The following KYNU variants were observed in gnomAD, a reference collection of about 807,000 sequenced individuals.
KYNU encodes the protein kynureninase, also known as L-kynurenine hydrolase.
KYNU carries 54 observed loss-of-function variants against 59.2 expected under a neutral mutation model. The ratio of observed to expected loss-of-function variants is 0.91; its 90% CI spans 0.73 to 1.14. The LOEUF is 1.14. Ranked by LOEUF, KYNU falls within the 50% of genes most tolerant of loss-of-function variation. The probability of loss-of-function intolerance (pLI) is 0.00; values close to 1 mark genes in which losing one functional copy is unlikely to be tolerated. For missense variants in KYNU, 567 were observed against 554.4 expected, an observed-to-expected ratio of 1.02 and a Z score of -0.23; for synonymous variants, 177 against 192.0, an observed-to-expected ratio of 0.92 and a Z score of 0.65.
At chr2:142,946,746 G>A (rs10177321) in intron 4 of KYNU, among the ~76,000 whole-genome samples, 9,994 of 152,174 alleles carry the variant, frequency 0.066, 847 homozygotes, top group African/African-American at 0.2. Flanking sequence ...CATTAGCTAT[G>A]TTAATCCTGA....
At chr2:142,959,363 G>A (rs1684265841) in intron 7 of KYNU, among the ~76,000 whole-genome samples, 1 of 152,168 alleles carries the variant, frequency 6.6e-6, no homozygotes. Context: ...GAGACAGGCA[G>A]ATCACGTGAG....
At chr2:142,921,018 T>C (rs1682862481) in intron 3 of KYNU, among the ~76,000 whole-genome samples, 1 of 152,202 alleles carries the variant, frequency 6.6e-6, no homozygotes, top group Admixed American at 6.5e-5. Flanking sequence ...AATGAGTACT[T>C]AGGTCAAAGT....
chr2:143,023,072 T>C (rs1423699521), intron 10 of KYNU, among the ~76,000 whole-genome samples: 1 of 151,980 alleles, frequency 6.6e-6, no homozygotes. Context: ...TTATTTGTTT[T>C]CTTTCTAATT....
chr2:143,005,023 C>T (rs958230917), intron 10 of KYNU, among the ~76,000 whole-genome samples: 2 of 152,120 alleles, frequency 1.3e-5, no homozygotes, highest in African/African-American at 4.8e-5. Flanking sequence ...AATATCTTGC[C>T]CTAGCTTAAG....
chr2:142,892,577 G>C (rs1474311373), intron 2 of KYNU, among the ~76,000 whole-genome samples: 1 of 152,184 alleles, frequency 6.6e-6, no homozygotes. Context: ...AAATGAGTGC[G>C]TGTGGGTACC....
In KYNU at chr2:142,927,700, C is replaced by T; in HGVS notation, c.332C>T (p.Thr111Ile). Residue 111 changes from threonine (T) to isoleucine (I), a missense_variant, in exon 4 of 14, where the codon ACA becomes ATA. By Grantham distance (89) the Thr-to-Ile change is moderately conservative. Transcript: ENST00000264170. Reference sequence around the variant, plus strand: ...GAAGTGGGGAAGCGTCCTTGGATTACAGGAGATGAGAGTATTGTAGGCCTT... The same window carrying T: ...GAAGTGGGGAAGCGTCCTTGGATTATAGGAGATGAGAGTATTGTAGGCCTT... ...GHEVGKRPWI[T>I]GDESIVGLMK... is the part of the protein sequence containing the mutation. 6.2e-7 allele frequency: 1 copy of T among 1,613,238 alleles called. No homozygotes were observed. Among genetic ancestry groups the T allele is most frequent in the Non-Finnish European group, 8.5e-7 (1 of 1,179,392 alleles).
chr2:143,008,224 A>C (rs1169924180), intron 10 of KYNU, among the ~76,000 whole-genome samples: 4 of 109,428 alleles, frequency 3.7e-5, no homozygotes, highest in African/African-American at 4.3e-5. Context: ...TCTACCAAGC[A>C]AATGGAAAAC....
intron 10 of KYNU, among the ~76,000 whole-genome samples, chr2:143,013,298 CTGTGTG>C (rs71301735): frequency 6.7e-5 from 10 of 149,468 alleles, no homozygotes; most frequent in African/African-American, 1.2e-4. Context: ...GTCTCTTTCT[CTGTGTG>C]TGTGTGTGTG....
intron 2 of KYNU, among the ~76,000 whole-genome samples, chr2:142,890,918 T>C (rs186142036): frequency 6.6e-6 from 1 of 152,350 alleles, no homozygotes; most frequent in African/African-American, 2.4e-5. Context: ...TGTCTTAAGT[T>C]GCTCATAATG....
chr2:143,012,008 A>G (rs1425097220), intron 10 of KYNU, among the ~76,000 whole-genome samples: 2 of 149,362 alleles, frequency 1.3e-5, no homozygotes, highest in Non-Finnish European at 3.0e-5. Flanking sequence ...GCACATGTAT[A>G]CATATGTAAC....
chr2:142,938,767 AAAG>A (rs1425924760), intron 4 of KYNU, among the ~76,000 whole-genome samples: 4 of 152,292 alleles, frequency 2.6e-5, no homozygotes, highest in Non-Finnish European at 5.9e-5. Context: ...AAAAAAGAAA[AAAG>A]AAATCTGTTT....
intron 2 of KYNU, among the ~76,000 whole-genome samples, chr2:142,889,685 C>CAT (rs1366645326): frequency 6.6e-6 from 1 of 152,184 alleles, no homozygotes; most frequent in African/African-American, 2.4e-5. Context: ...GTGAATTCAT[C>CAT]AGGAAACCAG....
chr2:143,030,111 C>T (rs1019433361), intron 11 of KYNU, among the ~76,000 whole-genome samples: 3 of 152,164 alleles, frequency 2.0e-5, no homozygotes, highest in African/African-American at 7.2e-5. Flanking sequence ...TCCCACTTAT[C>T]TAATGTGAAT....
chr2:142,918,033 T>G (rs1462008178), intron 2 of KYNU, among the ~76,000 whole-genome samples: 1 of 152,212 alleles, frequency 6.6e-6, no homozygotes, highest in South Asian at 2.1e-4. Flanking sequence ...ATCATCAAAG[T>G]TTGATTTATA....
intron 2 of KYNU, among the ~76,000 whole-genome samples, chr2:142,908,052 C>T (rs1002973705): frequency 1.3e-5 from 2 of 152,178 alleles, no homozygotes; most frequent in African/African-American, 4.8e-5. Context: ...TAAACTTACA[C>T]CTGATTTTCA....
chr2:143,041,771 G>A (rs548925726), intron 13 of KYNU, among the ~76,000 whole-genome samples: 1 of 151,616 alleles, frequency 6.6e-6, no homozygotes, highest in South Asian at 2.1e-4. Context: ...ATGTATTTAT[G>A]GTCTATTAAA....
chr2:143,013,097 G>GTGA (rs1686157713), intron 10 of KYNU, among the ~76,000 whole-genome samples: 1 of 152,138 alleles, frequency 6.6e-6, no homozygotes, highest in Non-Finnish European at 1.5e-5. Flanking sequence ...CCAGGCTCAA[G>GTGA]TGATCCTCCC....
intron 4 of KYNU, among the ~76,000 whole-genome samples, chr2:142,954,257 C>T (rs1684090260): frequency 6.6e-6 from 1 of 152,122 alleles, no homozygotes; most frequent in East Asian, 1.9e-4. Flanking sequence ...TATCTTTTAT[C>T]TCAGTGTGTA....
At position 142,954,520 on chromosome 2, in the gene KYNU, A is replaced by G. The variant is rs78013840; in HGVS notation, c.374-290A>G. On this transcript the variant is annotated intron_variant, in intron 4 of 13. Coordinates refer to ENST00000264170, the MANE Select transcript of KYNU (RefSeq NM_003937.3). The stretch of plus-strand genomic sequence containing the variant: ...GGAATTTGACAATTGAGCTGATAAT[A>G]GGATATATCATTTTTAGTTTACAGG... Among the ~76,000 whole-genome samples the G allele has an allele frequency of 2.6e-5, 4 of 152,222 alleles. No homozygotes were observed. The East Asian group carries it at 7.7e-4, about 29-fold the overall frequency.
Sources: allele counts gnomAD v4.1 joint callset (sites outside exome capture counted in the v4.1 genomes callset), GRCh38; gene constraint gnomAD v4.1.1; transcripts MANE v1.5; gene names NCBI Gene and HGNC (gene_info 2026-07-23, HGNC 2026-07-21).